The following TNFRSF8 variants were observed in gnomAD, a reference collection of about 807,000 sequenced individuals.
The protein encoded by TNFRSF8 is TNF receptor superfamily member 8.
In TNFRSF8, 26 loss-of-function variants were observed where a neutral mutation model predicts 70.8. The observed-to-expected ratio is 0.37, with a 90% confidence interval of 0.27 to 0.51. TNFRSF8 has a LOEUF of 0.51. Among genes scored for constraint, TNFRSF8 ranks in the 20% least tolerant of loss-of-function variants. The pLI, the probability that TNFRSF8 is intolerant of heterozygous loss-of-function variation, is 0.94. For synonymous variants in TNFRSF8, 356 were observed against 339.2 expected, an observed-to-expected ratio of 1.05 and a Z score of -0.54; for missense variants, 720 against 807.9, an observed-to-expected ratio of 0.89 and a Z score of 1.32.
chr1:12,104,264 G>T, intron 3 of TNFRSF8, 115 bp from the exon 4 acceptor site: 1 of 1,110,072 alleles, frequency 9.0e-7, no homozygotes, highest in Non-Finnish European at 1.3e-6. Flanking sequence ...GGGTTGAGCT[G>T]GGAGGCGGAG....
Position 12,113,643 on chromosome 1 carries a change from G to C in TNFRSF8, c.793+1629G>C, listed in dbSNP as rs920694574. On this transcript the variant is annotated intron_variant, in intron 7 of 14. Transcript: ENST00000263932. The surrounding 1 kb of genome is among the most constrained non-coding windows in gnomAD (Gnocchi z 4.9). ...AAAGAGGGAGAGAGAGAGACAGAAA[G>C]AGAAAGAGACGGAGTGAGCGAGAGA... Among the ~76,000 whole-genome samples, 1 of 151,594 alleles carries C rather than the reference G, an allele frequency of 6.6e-6. No individual in the cohort carries two copies. The highest frequency in any genetic ancestry group is 1.5e-5 in the Non-Finnish European group (1 of 67,956).
chr1:12,111,934 G>T lies in TNFRSF8; in HGVS notation c.713G>T (p.Gly238Val), dbSNP rs568179804. ...SPTQPCPEGS[G>V]DCRKQCEPDY... ...ACACAGCCATGCCCAGAGGGGTCTGGTGATTGCAGAAAGCAGTGTGAGCCC... is the reference window on the plus strand; with the variant it reads ...ACACAGCCATGCCCAGAGGGGTCTGTTGATTGCAGAAAGCAGTGTGAGCCC... Residue 238 changes from glycine to valine, a missense_variant, in exon 7 of 15, where the codon GGT becomes GTT. By Grantham distance (109) the Gly-to-Val change is moderately radical. Coordinates refer to ENST00000263932, the MANE Select transcript of TNFRSF8 (RefSeq NM_001243.5). 1 of 1,614,114 alleles carries T rather than the reference G, an allele frequency of 6.2e-7. No homozygotes were observed. The highest frequency in any genetic ancestry group is 1.3e-5 in the African/African-American group (1 of 74,940).
intron 1 of TNFRSF8, among the ~76,000 whole-genome samples, chr1:12,084,182 C>G (rs1032042262): frequency 9.9e-5 from 15 of 152,084 alleles, no homozygotes; most frequent in Non-Finnish European, 2.2e-4. Context: ...TGACTAGCCC[C>G]AGGTGAAGGT....
intron 1 of TNFRSF8, among the ~76,000 whole-genome samples, chr1:12,065,019 C>G (rs1023332058): frequency 6.8e-6 from 1 of 148,094 alleles, no homozygotes; most frequent in Non-Finnish European, 1.5e-5. Context: ...GGGTCTCACT[C>G]TGTTGTCCAG....
intron 1 of TNFRSF8, among the ~76,000 whole-genome samples, chr1:12,075,362 G>A (rs111600294): frequency 0.013 from 1,981 of 152,018 alleles, 39 homozygotes; most frequent in African/African-American, 0.045. Flanking sequence ...CTGGGATTAC[G>A]GGTGTGAACC....
At position 12,125,863 on chromosome 1, in the gene TNFRSF8, C is replaced by G. The variant is rs1002548718; in HGVS notation, c.1154-88C>G. 4.4e-5 allele frequency: 45 copies of G among 1,012,958 alleles called. 2 individuals are homozygous for G. In the South Asian group the frequency reaches 5.6e-4, roughly 13 times the overall value. 62.7% of individuals were successfully genotyped at this position (1,012,958 alleles called of 1,614,324 possible). On this transcript the variant is annotated intron_variant, in intron 10 of 14. Transcript: ENST00000263932. ...TTGTTAGCCATGATGGAAGCTGTGTCCCAGGAGAAGGAGGAAGTCGTCTGG... is the reference window on the plus strand; with the variant it reads ...TTGTTAGCCATGATGGAAGCTGTGTGCCAGGAGAAGGAGGAAGTCGTCTGG...
intron 2 of TNFRSF8, among the ~76,000 whole-genome samples, chr1:12,086,785 C>CTCTCTCTCTT (rs1048269686): frequency 1.3e-5 from 2 of 151,852 alleles, no homozygotes; most frequent in African/African-American, 2.4e-5. Context: ...AGATCGATCT[C>CTCTCTCTCTT]TCTCTCTCTT....
chr1:12,121,121 A>G (rs994225292), intron 8 of TNFRSF8, among the ~76,000 whole-genome samples: 1 of 152,198 alleles, frequency 6.6e-6, no homozygotes, highest in Middle Eastern at 3.2e-3. Flanking sequence ...CTGAAACCCA[A>G]TGACCTTTCA....
intron 4 of TNFRSF8, among the ~76,000 whole-genome samples, chr1:12,106,008 G>T (rs1641517668): frequency 6.6e-6 from 1 of 151,376 alleles, no homozygotes; most frequent in Admixed American, 6.6e-5. Flanking sequence ...AAGGCCCCCA[G>T]TTGACCTGCC....
rs749236080 is a variant in TNFRSF8, at chr1:12,084,483, C to G, written c.83C>G (p.Thr28Ser). ...TGCCAGGATCGACCCTTCGAGGACA[C>G]CTGTCATGGAAACCCCAGCCACTAC... is the stretch of plus-strand genomic sequence containing the variant. Reference protein sequence around the residue: ...AFPQDRPFEDTCHGNPSHYYD... With the variant: ...AFPQDRPFEDSCHGNPSHYYD... The change falls in exon 2 of 15, where the codon ACC becomes AGC. Residue 28 changes from threonine to serine, a missense_variant. By Grantham distance (58) the Thr-to-Ser change is moderately conservative. Transcript: ENST00000263932. The G allele has an allele frequency of 9.9e-6, 16 of 1,613,934 alleles. No individual in the cohort carries two copies. In the East Asian group the frequency reaches 3.6e-4, roughly 36 times the overall value.
At chr1:12,130,599 G>C (rs1642029891) in intron 12 of TNFRSF8, among the ~76,000 whole-genome samples, 1 of 152,366 alleles carries the variant, frequency 6.6e-6, no homozygotes, top group African/African-American at 2.4e-5. Context: ...GCCAGAGAGG[G>C]GAGGGGACTA....
At chr1:12,133,617 G>A (rs574965878) in intron 12 of TNFRSF8, among the ~76,000 whole-genome samples, 3 of 151,644 alleles carry the variant, frequency 2.0e-5, no homozygotes, top group Non-Finnish European at 4.4e-5. Context: ...GTGCGTGCCT[G>A]TAATCCCAGC....
intron 1 of TNFRSF8, among the ~76,000 whole-genome samples, chr1:12,075,495 G>C (rs989311825): frequency 1.3e-5 from 2 of 152,098 alleles, no homozygotes; most frequent in Non-Finnish European, 2.9e-5. Flanking sequence ...CTGACTCCCT[G>C]ACTCTCTCTT....
At position 12,104,403 on chromosome 1, in the gene TNFRSF8, G is replaced by A; in HGVS notation, c.293G>A (p.Cys98Tyr). 6.2e-7 allele frequency: 1 copy of A among 1,614,070 alleles called. No individual in the cohort carries two copies. The highest frequency in any genetic ancestry group is 8.5e-7 in the Non-Finnish European group (1 of 1,180,026). ...SRDDLVEKTP[C>Y]AWNSSRVCEC... ...GACGACCTCGTGGAGAAGACGCCGT[G>A]TGCATGGAACTCCTCCCGTGTCTGC... The change falls in exon 4 of 15, where the codon TGT becomes TAT. Residue 98 changes from cysteine to tyrosine, a missense_variant. Transcript: ENST00000263932.
chr1:12,101,391 C>T (rs983891203), intron 3 of TNFRSF8, among the ~76,000 whole-genome samples: 43 of 151,440 alleles, frequency 2.8e-4, no homozygotes, highest in Non-Finnish European at 3.2e-4. Flanking sequence ...CATGCCACTG[C>T]ACTCCAGCCT....
rs1642198673 is a variant in TNFRSF8 at position 12,138,671 on chromosome 1, C to A, written c.1543+235C>A. On this transcript the variant is annotated intron_variant, in intron 14 of 14. Transcript: ENST00000263932. The surrounding 1 kb of genome is among the most constrained non-coding windows in gnomAD (Gnocchi z 5.7). The stretch of plus-strand genomic sequence containing the variant: ...AGTGTGCATGAGATGCCTGCTGTTA[C>A]TCATAAAAAACGAACACCACCCCAG... 6.6e-6 allele frequency among the ~76,000 whole-genome samples: 1 copy of A among 152,174 alleles called. No individual in the cohort carries two copies. Among genetic ancestry groups the A allele is most frequent in the South Asian group, 2.1e-4 (1 of 4,828 alleles).
intron 13 of TNFRSF8, among the ~76,000 whole-genome samples, chr1:12,136,331 G>T (rs1468579904): frequency 6.6e-6 from 1 of 152,168 alleles, no homozygotes; most frequent in Non-Finnish European, 1.5e-5. Context: ...ATAGGCCAAT[G>T]CATTAATAGT....
intron 9 of TNFRSF8, 140 bp downstream of exon 9, chr1:12,123,517 C>T: frequency 1.0e-6 from 1 of 953,412 alleles, no homozygotes; most frequent in South Asian, 1.7e-5. Context: ...GTGTGCCCAT[C>T]TCTTTGCTGA....
In TNFRSF8 at chr1:12,109,837, G is replaced by A. The variant is rs1641595814; in HGVS notation, c.512+181G>A. On this transcript the variant is annotated intron_variant, in intron 5 of 14. Coordinates refer to ENST00000263932, the MANE Select transcript of TNFRSF8 (RefSeq NM_001243.5). This position sits in a 1 kb window ranked among gnomAD's most constrained non-coding sequence, Gnocchi z 4.4. ...CTCAGATCATTTGAGGCCCTAGGGT[G>A]TGCCCAGCCCTGCCCTGAGCACATG... is the stretch of plus-strand genomic sequence containing the variant. 6.6e-6 allele frequency among the ~76,000 whole-genome samples: 1 copy of A among 152,196 alleles called. No individual in the cohort carries two copies. Among genetic ancestry groups the A allele is most frequent in the African/African-American group, 2.4e-5 (1 of 41,446 alleles).
Sources: gnomAD v4.1 joint callset for allele counts (sites outside exome capture counted in the v4.1 genomes callset) on GRCh38, gnomAD v4.1.1 for gene constraint, Gnocchi (gnomAD v3.1) non-coding constraint, MANE v1.5 for transcripts, NCBI Gene and HGNC (gene_info 2026-07-23, HGNC 2026-07-21) for gene names.